DIAPH3: variants seen among roughly 807,000 people sequenced by gnomAD.
The protein encoded by DIAPH3 is protein diaphanous homolog 3.
A neutral mutation model predicts 144.3 loss-of-function variants in DIAPH3; 117 were observed. The ratio of observed to expected loss-of-function variants is 0.81; its 90% CI spans 0.70 to 0.95. DIAPH3 has a LOEUF of 0.95. Among genes scored for constraint, DIAPH3 ranks in the 40% least tolerant of loss-of-function variants. The pLI is 0.00. For missense variants in DIAPH3, 1,421 were observed against 1,412.7 expected (o/e 1.01, Z -0.09); for synonymous variants, 519 against 488.9 (o/e 1.06, Z -0.81).
intron 2 of DIAPH3, among the ~76,000 whole-genome samples, chr13:60,130,865 T>C (rs1201972191): frequency 6.6e-6 from 1 of 151,932 alleles, no homozygotes; most frequent in African/African-American, 2.4e-5. Context: ...AGGTGAGGAA[T>C]GGGGGAAGGT....
At chr13:59,775,073 A>G (rs2139284442) in intron 25 of DIAPH3, among the ~76,000 whole-genome samples, 1 of 152,310 alleles carries the variant, frequency 6.6e-6, no homozygotes, top group Middle Eastern at 3.4e-3. Context: ...TTCACTTCAG[A>G]GCACTGCTTT....
Position 59,987,331 on chromosome 13 carries a change from G to A in DIAPH3, c.1362-3444C>T, listed in dbSNP as rs527341814. On this transcript the variant is annotated intron_variant, in intron 12 of 27. Transcript: ENST00000400324. ...CACACTCTGGGGACTGTGGTGGGGT[G>A]GGGGGAGTGGGGAGGGATAGCATTT... 7.5e-3 allele frequency among the ~76,000 whole-genome samples: 1,133 copies of A among 151,622 alleles called. 17 individuals are homozygous for A. Among genetic ancestry groups the A allele is most frequent in the African/African-American group, 0.025 (1,050 of 41,306 alleles).
chr13:59,737,614 T>C (rs543630212), intron 27 of DIAPH3, among the ~76,000 whole-genome samples: 4 of 152,314 alleles, frequency 2.6e-5, no homozygotes, highest in Admixed American at 6.5e-5. Context: ...CGTGGACTTA[T>C]AAAGCTTGAT....
At chr13:59,905,492 C>G (rs2046688073) in intron 20 of DIAPH3, among the ~76,000 whole-genome samples, 1 of 152,022 alleles carries the variant, frequency 6.6e-6, no homozygotes, top group Non-Finnish European at 1.5e-5. Flanking sequence ...TCTCTTCACT[C>G]TCAATTTATT....
chr13:59,948,174 C>T (rs561916222), intron 17 of DIAPH3, among the ~76,000 whole-genome samples: 2 of 152,116 alleles, frequency 1.3e-5, no homozygotes, highest in African/African-American at 2.4e-5. Context: ...GGATTCCAAC[C>T]AGGTAGTCTG....
chr13:59,891,568 T>C (rs780118609), intron 20 of DIAPH3, among the ~76,000 whole-genome samples: 9 of 151,834 alleles, frequency 5.9e-5, no homozygotes, highest in Non-Finnish European at 1.2e-4. Context: ...AAGCAGAAAC[T>C]AAGAAAATTT....
intron 21 of DIAPH3, among the ~76,000 whole-genome samples, chr13:59,868,830 T>A (rs1379669756): frequency 6.6e-6 from 1 of 152,202 alleles, no homozygotes; most frequent in Non-Finnish European, 1.5e-5. Context: ...TAGATAGCCC[T>A]TCCAGTCTGG....
At chr13:59,927,365 A>AT (rs1221376253) in intron 17 of DIAPH3, among the ~76,000 whole-genome samples, 3 of 151,860 alleles carry the variant, frequency 2.0e-5, no homozygotes, top group African/African-American at 7.3e-5. Context: ...TTTGTTGATC[A>AT]TTTTCTAATT....
chr13:59,868,360 A>T (rs144516965), intron 21 of DIAPH3, among the ~76,000 whole-genome samples: 2 of 152,188 alleles, frequency 1.3e-5, no homozygotes, highest in Non-Finnish European at 2.9e-5. Context: ...GACCAAATAC[A>T]TTAATTTTAA....
At chr13:59,876,241 A>G (rs1347273284) in intron 21 of DIAPH3, among the ~76,000 whole-genome samples, 1 of 152,216 alleles carries the variant, frequency 6.6e-6, no homozygotes, top group Admixed American at 6.5e-5. Flanking sequence ...TTCTGATAAC[A>G]AATATGATGA....
intron 9 of DIAPH3, among the ~76,000 whole-genome samples, chr13:59,996,916 T>C (rs753873101): frequency 1.3e-5 from 2 of 152,050 alleles, no homozygotes; most frequent in Admixed American, 1.3e-4. Context: ...TATGTGAATA[T>C]ATAGTACCTA....
chr13:59,756,182 T>A (rs1319531987), intron 27 of DIAPH3, among the ~76,000 whole-genome samples: 1 of 152,148 alleles, frequency 6.6e-6, no homozygotes, highest in Non-Finnish European at 1.5e-5. Context: ...CATGCTGAAA[T>A]TTGAGAACCA....
At chr13:59,922,071 C>T (rs989309115) in intron 18 of DIAPH3, among the ~76,000 whole-genome samples, 5 of 151,900 alleles carry the variant, frequency 3.3e-5, no homozygotes, top group African/African-American at 9.7e-5. Context: ...TAAATATATG[C>T]GTTATATATG....
intron 22 of DIAPH3, among the ~76,000 whole-genome samples, chr13:59,853,135 G>T (rs1386080123): frequency 6.6e-6 from 1 of 152,130 alleles, no homozygotes; most frequent in African/African-American, 2.4e-5. Context: ...ACAAGCTGGG[G>T]TTTCAACTCC....
At chr13:59,908,810 A>G (rs2046860887) in intron 20 of DIAPH3, among the ~76,000 whole-genome samples, 1 of 152,202 alleles carries the variant, frequency 6.6e-6, no homozygotes, top group African/African-American at 2.4e-5. Flanking sequence ...TCATAACATC[A>G]GTCTACGGAA....
At chr13:59,827,305 G>C (rs1048742865) in intron 24 of DIAPH3, among the ~76,000 whole-genome samples, 1 of 151,994 alleles carries the variant, frequency 6.6e-6, no homozygotes, top group Non-Finnish European at 1.5e-5. Flanking sequence ...CTAATATCCA[G>C]AATCTACAAT....
intron 24 of DIAPH3, among the ~76,000 whole-genome samples, chr13:59,816,765 A>G (rs957460011): frequency 2.6e-5 from 4 of 151,832 alleles, no homozygotes; most frequent in African/African-American, 9.7e-5. Flanking sequence ...TGATAATCTG[A>G]TACTTTTATA....
intron 9 of DIAPH3, among the ~76,000 whole-genome samples, chr13:59,997,383 C>T (rs1339286001): frequency 1.3e-5 from 2 of 152,006 alleles, no homozygotes; most frequent in African/African-American, 4.8e-5. Flanking sequence ...GAGTTCGTTC[C>T]TTTTTATGGC....
chr13:59,740,414 T>C (rs1200582609), intron 27 of DIAPH3, among the ~76,000 whole-genome samples: 4 of 152,178 alleles, frequency 2.6e-5, no homozygotes, highest in Admixed American at 6.6e-5. Context: ...AATAAGATAA[T>C]AGATAGTACC....
Sources: gnomAD v4.1 joint callset for allele counts (sites outside exome capture counted in the v4.1 genomes callset) on GRCh38, gnomAD v4.1.1 for gene constraint, MANE v1.5 for transcripts, NCBI Gene and HGNC (gene_info 2026-07-23, HGNC 2026-07-21) for gene names.